Variants in SEMA3A observed in about 807,000 individuals in gnomAD.
SEMA3A encodes the protein semaphorin 3A.
A neutral mutation model predicts 97.9 loss-of-function variants in SEMA3A; 29 were observed. That is an observed-to-expected ratio of 0.30 (90% CI 0.22 to 0.40). SEMA3A has a LOEUF of 0.40. Among genes scored for constraint, SEMA3A ranks in the 10% least tolerant of loss-of-function variants. The pLI, the probability that SEMA3A is intolerant of heterozygous loss-of-function variation, is 1.00. For missense variants in SEMA3A, 763 were observed against 951.3 expected (o/e 0.80, Z 2.60); for synonymous variants, 321 against 323.7 (o/e 0.99, Z 0.09).
chr7:84,373,100 T>TA (rs1159175122), intron 1 of SEMA3A, among the ~76,000 whole-genome samples: 1 of 152,102 alleles, frequency 6.6e-6, no homozygotes, highest in Non-Finnish European at 1.5e-5. Context: ...TGATGAAAAA[T>TA]ACATGGAATG....
chr7:84,407,014 C>T (rs552527510), intron 1 of SEMA3A, among the ~76,000 whole-genome samples: 3 of 152,292 alleles, frequency 2.0e-5, no homozygotes, highest in East Asian at 1.9e-4. Flanking sequence ...CCTCTCTCAC[C>T]ACTCCCATTC....
At chr7:84,284,116 G>T (rs1437485346) in intron 3 of SEMA3A, among the ~76,000 whole-genome samples, 1 of 151,974 alleles carries the variant, frequency 6.6e-6, no homozygotes, top group African/African-American at 2.4e-5. Context: ...TTAGATAGTT[G>T]TATGATACAA....
chr7:84,462,651 C>T (rs544099240), intron 1 of SEMA3A, among the ~76,000 whole-genome samples: 11 of 152,142 alleles, frequency 7.2e-5, no homozygotes, highest in African/African-American at 2.7e-4. Flanking sequence ...ATAATAAAGG[C>T]CTGTTCTAAA....
chr7:84,250,251 A>T lies in SEMA3A; in HGVS notation c.-82-55583T>A, dbSNP rs565809031. On this transcript the variant is annotated intron_variant, in intron 3 of 3. Coordinates refer to the SEMA3A transcript ENST00000424555. ...TAAAAATTTACATTTTGGTTACATT[A>T]ATATTTTTTTTTTTCATCTGTGGTT... 2.0e-5 allele frequency among the ~76,000 whole-genome samples: 3 copies of T among 152,042 alleles called. No individual in the cohort carries two copies. The East Asian group carries it at 5.9e-4, about 30-fold the overall frequency.
intron 5 of SEMA3A, among the ~76,000 whole-genome samples, chr7:84,052,807 G>C (rs1047816521): frequency 1.3e-5 from 2 of 149,150 alleles, no homozygotes; most frequent in Non-Finnish European, 3.0e-5. Context: ...GTGATGTTAG[G>C]GTGTCAATTT....
intron 3 of SEMA3A, among the ~76,000 whole-genome samples, chr7:84,211,963 C>T (rs1798638674): frequency 6.6e-6 from 1 of 152,118 alleles, no homozygotes; most frequent in Non-Finnish European, 1.5e-5. Flanking sequence ...AACAACCAAC[C>T]TGGGAAGAAC....
At chr7:84,064,831 A>G (rs1793411910) in intron 4 of SEMA3A, among the ~76,000 whole-genome samples, 2 of 151,676 alleles carry the variant, frequency 1.3e-5, no homozygotes, top group Admixed American at 1.3e-4. Context: ...GGAGACTTCA[A>G]CACCCCACTG....
At chr7:84,146,640 G>A (rs1396843148) in intron 1 of SEMA3A, among the ~76,000 whole-genome samples, 1 of 152,114 alleles carries the variant, frequency 6.6e-6, no homozygotes, top group African/African-American at 2.4e-5. Context: ...GTCATAATGT[G>A]GACAAAAATG....
intron 1 of SEMA3A, among the ~76,000 whole-genome samples, chr7:84,407,583 C>G (rs1804132979): frequency 6.6e-6 from 1 of 151,028 alleles, no homozygotes; most frequent in South Asian, 2.1e-4. Flanking sequence ...CCCACATTGC[C>G]AAGTCAATCC....
intron 4 of SEMA3A, among the ~76,000 whole-genome samples, chr7:84,089,716 G>T (rs896909800): frequency 2.6e-5 from 4 of 151,940 alleles, no homozygotes; most frequent in Admixed American, 6.5e-5. Flanking sequence ...CAATTCTAAA[G>T]GATTTTTATT....
At chr7:84,012,606 T>A (rs1164105589) in intron 7 of SEMA3A, among the ~76,000 whole-genome samples, 1 of 152,210 alleles carries the variant, frequency 6.6e-6, no homozygotes, top group African/African-American at 2.4e-5. Context: ...TAGCATCAAA[T>A]ATTTTATAAG....
intron 1 of SEMA3A, among the ~76,000 whole-genome samples, chr7:84,383,942 T>A (rs1443310070): frequency 1.3e-5 from 2 of 152,210 alleles, no homozygotes; most frequent in Non-Finnish European, 2.9e-5. Context: ...GAGACAGGTA[T>A]CTCCTTTTTC....
intron 1 of SEMA3A, among the ~76,000 whole-genome samples, chr7:84,418,730 G>A (rs1355997488): frequency 1.3e-5 from 2 of 151,946 alleles, no homozygotes; most frequent in South Asian, 2.1e-4. Flanking sequence ...TGAGCCTCTA[G>A]CCTCAGACTG....
chr7:84,115,825 G>T (rs1019123551), intron 3 of SEMA3A, among the ~76,000 whole-genome samples: 1 of 152,108 alleles, frequency 6.6e-6, no homozygotes, highest in Non-Finnish European at 1.5e-5. Flanking sequence ...ATATTCTGTG[G>T]TTTCCAATTT....
intron 3 of SEMA3A, among the ~76,000 whole-genome samples, chr7:84,232,340 A>T (rs1272893952): frequency 1.3e-5 from 2 of 150,030 alleles, no homozygotes; most frequent in African/African-American, 4.9e-5. Context: ...TATAAGGAAA[A>T]ATGTCCAGTT....
chr7:84,209,581 G>A (rs540008820), intron 3 of SEMA3A, among the ~76,000 whole-genome samples: 20 of 152,140 alleles, frequency 1.3e-4, no homozygotes, highest in African/African-American at 4.6e-4. Context: ...ATCCAAAAGT[G>A]TACTTCAAAA....
intron 3 of SEMA3A, among the ~76,000 whole-genome samples, chr7:84,120,997 G>GA (rs547600247): frequency 7.2e-5 from 11 of 152,208 alleles, no homozygotes; most frequent in Admixed American, 3.3e-4. Flanking sequence ...AACTCTGGAT[G>GA]AAAAAACCTA....
chr7:84,251,229 G>A (rs1562872079), intron 3 of SEMA3A, among the ~76,000 whole-genome samples: 1 of 152,138 alleles, frequency 6.6e-6, no homozygotes, highest in South Asian at 2.1e-4. Context: ...GTTCAATATC[G>A]TGTTTTCAGA....
intron 1 of SEMA3A, among the ~76,000 whole-genome samples, chr7:84,378,450 A>T (rs1233169679): frequency 6.6e-6 from 1 of 152,134 alleles, no homozygotes; most frequent in East Asian, 1.9e-4. Context: ...TCTGCAAACT[A>T]ACACAGGAAC....
Sources: allele counts gnomAD v4.1 joint callset (sites outside exome capture counted in the v4.1 genomes callset), GRCh38; gene constraint gnomAD v4.1.1; transcripts MANE v1.5; gene names NCBI Gene and HGNC (gene_info 2026-07-23, HGNC 2026-07-21).